NUP35: variants seen among roughly 807,000 people sequenced by gnomAD.
NUP35 encodes the protein nucleoporin 35, also known as nucleoporin NUP35.
In NUP35, 25 loss-of-function variants were observed where a neutral mutation model predicts 41.5. The observed-to-expected ratio is 0.60, with a 90% CI of 0.44 to 0.84. The LOEUF is 0.84. Among genes scored for constraint, NUP35 ranks in the 40% least tolerant of loss-of-function variants. NUP35 has a pLI of 0.00. For missense variants in NUP35, 396 were observed against 396.6 expected (o/e 1.00, Z 0.01); for synonymous variants, 149 against 130.7 (o/e 1.14, Z -0.96).
intron 4 of NUP35, among the ~76,000 whole-genome samples, chr2:183,150,673 C>T (rs931210419): frequency 5.9e-5 from 9 of 151,996 alleles, no homozygotes; most frequent in Non-Finnish European, 1.0e-4. Context: ...GTCTCTCTTT[C>T]GCTAGAATGT....
Position 183,161,106 on chromosome 2 carries a change from C to T in NUP35, c.956C>T (p.Ala319Val), listed in dbSNP as rs1226600109. 1.9e-6 allele frequency: 3 copies of T among 1,612,888 alleles called. No individual in the cohort carries two copies. The highest frequency in any genetic ancestry group is 2.2e-5 in the South Asian group (2 of 91,020). ...AAAGATGAAAGTCTTGTATCCAAAGCAATGGAGTACATGTTTGGCTGGTAG... is the reference window on the plus strand; with the variant it reads ...AAAGATGAAAGTCTTGTATCCAAAGTAATGGAGTACATGTTTGGCTGGTAG... ...PKKDESLVSK[A>V]MEYMFGW The change falls in exon 9 of 9, where the codon GCA (alanine) becomes GTA (valine). Residue 319 changes from alanine (A) to valine (V), a missense_variant. Ala to Val is a moderately conservative substitution (Grantham distance 64, BLOSUM62 0). Transcript: ENST00000295119.
chr2:183,151,635 GGTGACT>G lies in NUP35; in HGVS notation c.528_533del (p.Thr177_Val178del). The G allele has an allele frequency of 6.2e-7, 1 of 1,613,362 alleles. No homozygotes were observed. Among genetic ancestry groups the G allele is most frequent in the East Asian group, 2.2e-5 (1 of 44,852 alleles). ...CAGAAGATCACCTCGATGACTCTTGGGTGACTGTATTTGGGTAAGGTTTGCAGACCA... is the reference window on the plus strand; with the variant it reads ...CAGAAGATCACCTCGATGACTCTTGGGTATTTGGGTAAGGTTTGCAGACCA... On this transcript the variant is annotated inframe_deletion, in exon 5 of 9. Coordinates refer to ENST00000295119, the MANE Select transcript of NUP35 (RefSeq NM_138285.5).
intron 4 of NUP35, among the ~76,000 whole-genome samples, chr2:183,140,822 CAAAAAAA>C (rs34256493): frequency 3.4e-5 from 3 of 89,544 alleles, no homozygotes; most frequent in African/African-American, 1.2e-4. Flanking sequence ...AAACTCCATT[CAAAAAAA>C]AAAAAAAAAA....
At chr2:183,157,947 C>T (rs1685728995) in intron 6 of NUP35, among the ~76,000 whole-genome samples, 1 of 151,964 alleles carries the variant, frequency 6.6e-6, no homozygotes, top group African/African-American at 2.4e-5. Context: ...GTAACAAATC[C>T]TTTTTTGTTG....
intron 1 of NUP35, among the ~76,000 whole-genome samples, 154 bp downstream of exon 1, chr2:183,124,651 C>T (rs571880970): frequency 1.2e-4 from 18 of 152,304 alleles, no homozygotes; most frequent in African/African-American, 4.1e-4. Context: ...AGTCGGTCCC[C>T]TACTCGACGC....
chr2:183,157,992 T>G (rs1685730209), intron 6 of NUP35, among the ~76,000 whole-genome samples: 1 of 152,114 alleles, frequency 6.6e-6, no homozygotes, highest in South Asian at 2.1e-4. Context: ...CAAAATCAAA[T>G]TGAGTAGTTT....
At chr2:183,137,816 T>C (rs1434019376) in intron 4 of NUP35, among the ~76,000 whole-genome samples, 1 of 151,756 alleles carries the variant, frequency 6.6e-6, no homozygotes, top group Non-Finnish European at 1.5e-5. Context: ...AAACACATAA[T>C]GTTAAGTAAT....
chr2:183,129,150 T>G (rs1461798162), intron 2 of NUP35, among the ~76,000 whole-genome samples: 1 of 152,198 alleles, frequency 6.6e-6, no homozygotes, highest in Non-Finnish European at 1.5e-5. Context: ...CTTGAAGATG[T>G]AGATACGAAT....
At chr2:183,155,177 CTA>C (rs1685611788) in intron 5 of NUP35, among the ~76,000 whole-genome samples, 1 of 152,084 alleles carries the variant, frequency 6.6e-6, no homozygotes, top group Non-Finnish European at 1.5e-5. Context: ...TGGAATGTAT[CTA>C]TTATATATTT....
At chr2:183,123,833 A>ATAAT (rs1303223521), upstream of NUP35, 1 of 985,044 alleles carries the variant, frequency 1.0e-6, no homozygotes, top group African/African-American at 1.7e-5. Flanking sequence ...GTGGGTGCGT[A>ATAAT]TAATTATCTT....
upstream of NUP35, among the ~76,000 whole-genome samples, chr2:183,121,874 TCAACCA>T (rs1700071758): frequency 6.8e-6 from 1 of 146,668 alleles, no homozygotes; most frequent in Admixed American, 7.0e-5. Flanking sequence ...ACACCTGTCA[TCAACCA>T]CAAAATTGTA....
chr2:183,153,528 A>G (rs1388342734), intron 5 of NUP35, among the ~76,000 whole-genome samples: 3 of 152,196 alleles, frequency 2.0e-5, no homozygotes, highest in Non-Finnish European at 4.4e-5. Flanking sequence ...TGCAAGTTCA[A>G]AATCCAGAGG....
intron 4 of NUP35, among the ~76,000 whole-genome samples, chr2:183,148,788 A>G (rs951674804): frequency 3.9e-5 from 6 of 152,106 alleles, no homozygotes; most frequent in African/African-American, 1.4e-4. Context: ...CCTCTCAAAT[A>G]GCTGGGACCA....
At chr2:183,121,731 G>A (rs2105525509), upstream of NUP35, among the ~76,000 whole-genome samples, 1 of 151,982 alleles carries the variant, frequency 6.6e-6, no homozygotes, top group African/African-American at 2.4e-5. Context: ...CAGCTACTCG[G>A]GAGACTGAGG....
At chr2:183,119,512 A>T (rs1487232818), upstream of NUP35, among the ~76,000 whole-genome samples, 1 of 152,166 alleles carries the variant, frequency 6.6e-6, no homozygotes, top group African/African-American at 2.4e-5. Flanking sequence ...AAGAAACACA[A>T]GACTTTGCAA....
At chr2:183,138,942 A>G (rs1684987775) in intron 4 of NUP35, among the ~76,000 whole-genome samples, 2 of 152,022 alleles carry the variant, frequency 1.3e-5, no homozygotes, top group African/African-American at 2.4e-5. Flanking sequence ...GGTTTGGGTT[A>G]GGTACTCCTT....
At chr2:183,154,948 C>T (rs75442641) in intron 5 of NUP35, among the ~76,000 whole-genome samples, 6,881 of 152,234 alleles carry the variant, frequency 0.045, 243 homozygotes, top group South Asian at 0.15. Context: ...TACATAGTGA[C>T]ATCAAGAGAA....
intron 1 of NUP35, chr2:183,118,992 T>G (rs567846903): frequency 1.2e-4 from 19 of 152,282 alleles, no homozygotes; most frequent in African/African-American, 4.1e-4. Context: ...ACTGGAAGTG[T>G]TCTTCCCTTA....
chr2:183,159,787 C>G, intron 8 of NUP35, 135 bp downstream of exon 8: 1 of 594,610 alleles, frequency 1.7e-6, no homozygotes, highest in Non-Finnish European at 2.7e-6. Flanking sequence ...AACCTTTACG[C>G]TTTAAAAGTT....
Sources: allele counts gnomAD v4.1 joint callset (sites outside exome capture counted in the v4.1 genomes callset), GRCh38; gene constraint gnomAD v4.1.1; transcripts MANE v1.5; gene names NCBI Gene and HGNC (gene_info 2026-07-23, HGNC 2026-07-21).